Variants in FRY observed in about 807,000 individuals in gnomAD.
FRY encodes the protein protein furry homolog.
A neutral mutation model predicts 348.4 loss-of-function variants in FRY; 128 were observed. That is an observed-to-expected ratio of 0.37 (90% CI 0.32 to 0.43). The LOEUF is 0.43. Among genes scored for constraint, FRY ranks in the 20% least tolerant of loss-of-function variants. The pLI is 1.00. For synonymous variants in FRY, 1,370 were observed against 1,374.7 expected (o/e 1.00, Z 0.08); for missense variants, 2,736 against 3,695.2 (o/e 0.74, Z 6.73).
intron 38 of FRY, 87 bp downstream of exon 38, chr13:32,225,123 C>A: frequency 1.2e-6 from 1 of 808,574 alleles, no homozygotes; most frequent in Non-Finnish European, 2.2e-6. Context: ...ACATTGACAT[C>A]CTGTTTGACT....
At chr13:32,050,908 A>G (rs1873286305) in intron 1 of FRY, among the ~76,000 whole-genome samples, 1 of 152,234 alleles carries the variant, frequency 6.6e-6, no homozygotes. Flanking sequence ...TAAATATTGC[A>G]AAATAAAGAG....
chr13:32,282,251 C>T (rs998804445), intron 58 of FRY, among the ~76,000 whole-genome samples: 1 of 152,208 alleles, frequency 6.6e-6, no homozygotes, highest in African/African-American at 2.4e-5. Context: ...CCTGTGTAAT[C>T]AGGTTCTCTG....
At chr13:32,257,111 A>C (rs539323687) in intron 51 of FRY, among the ~76,000 whole-genome samples, 1 of 152,306 alleles carries the variant, frequency 6.6e-6, no homozygotes, top group East Asian at 1.9e-4. Flanking sequence ...TATTTCAAAA[A>C]TTTTTAAAAA....
chr13:32,160,767 C>T (rs1566103913), intron 16 of FRY, among the ~76,000 whole-genome samples: 1 of 62,418 alleles, frequency 1.6e-5, no homozygotes, highest in East Asian at 4.1e-4. Context: ...GGCACCATTC[C>T]ATATATATAT....
At chr13:32,283,148 AAAAAC>A (rs1049399683) in intron 58 of FRY, among the ~76,000 whole-genome samples, 2 of 152,030 alleles carry the variant, frequency 1.3e-5, no homozygotes, top group African/African-American at 4.8e-5. Flanking sequence ...CTCAAAAAAA[AAAAAC>A]AAAACAACAA....
At chr13:32,058,153 T>C (rs1873745173) in intron 1 of FRY, among the ~76,000 whole-genome samples, 1 of 152,208 alleles carries the variant, frequency 6.6e-6, no homozygotes, top group Non-Finnish European at 1.5e-5. Flanking sequence ...TTTTATTTAT[T>C]AAATTTAGTT....
intron 2 of FRY, among the ~76,000 whole-genome samples, chr13:32,085,647 T>A (rs1446322526): frequency 6.6e-6 from 1 of 152,154 alleles, no homozygotes; most frequent in African/African-American, 2.4e-5. Flanking sequence ...TAGGAGATGC[T>A]CATTTGTCCT....
chr13:32,201,923 G>T lies in FRY; in HGVS notation c.3747-18G>T, dbSNP rs9567419. 78,288 of 1,374,742 alleles carry T rather than the reference G, an allele frequency of 0.057. 3,979 individuals are homozygous for T. The highest frequency in any genetic ancestry group is 0.27 in the East Asian group (11,792 of 43,796). The allele number at this position is 1,374,742 out of a possible 1,614,324, so 85.2% of individuals were successfully genotyped here. ...TTATAAACCATGCTTTTTTTGTTTT[G>T]TTCTGTTGTGTTTTTAGGAACTATC... is the stretch of plus-strand genomic sequence containing the variant. On this transcript the variant is annotated intron_variant, in intron 29 of 60. Transcript: ENST00000542859.
chr13:32,261,467 G>A (rs761836458), intron 51 of FRY, 149 bp from the exon 52 acceptor site: 2 of 793,056 alleles, frequency 2.5e-6, no homozygotes, highest in East Asian at 2.4e-5. Context: ...TTTCACATTG[G>A]GTAAACAAAA....
intron 9 of FRY, 39 bp downstream of exon 9, chr13:32,135,035 CA>C: frequency 6.5e-7 from 1 of 1,546,350 alleles, no homozygotes. Flanking sequence ...AATTGTATCA[CA>C]AAATCAACAA....
chr13:32,114,187 A>T (rs757530744), intron 3 of FRY, among the ~76,000 whole-genome samples: 1 of 152,210 alleles, frequency 6.6e-6, no homozygotes, highest in Admixed American at 6.5e-5. Flanking sequence ...TATCCCACAC[A>T]AGTATTTTTT....
At chr13:32,268,862 C>T (rs938204271) in intron 55 of FRY, among the ~76,000 whole-genome samples, 1 of 151,990 alleles carries the variant, frequency 6.6e-6, no homozygotes. Flanking sequence ...ATAAAAAATG[C>T]TTTTCTTTCA....
intron 3 of FRY, among the ~76,000 whole-genome samples, chr13:32,116,318 T>C (rs1027742330): frequency 1.3e-5 from 2 of 152,192 alleles, no homozygotes; most frequent in African/African-American, 4.8e-5. Flanking sequence ...AGTTTGTTGA[T>C]TAGCTAGTTA....
chr13:32,183,110 TC>T (rs1593707739), intron 24 of FRY, 76 bp downstream of exon 24: 1 of 833,568 alleles, frequency 1.2e-6, no homozygotes, highest in East Asian at 2.4e-5. Context: ...CCTAGTGATT[TC>T]CCCTAAAGAA....
At chr13:32,265,006 C>T (rs1717036887) in intron 53 of FRY, among the ~76,000 whole-genome samples, 1 of 152,138 alleles carries the variant, frequency 6.6e-6, no homozygotes, top group South Asian at 2.1e-4. Flanking sequence ...TGGGTTTGGA[C>T]AATGGAAGGA....
At position 32,045,472 on chromosome 13, in the gene FRY, A is replaced by T. The variant is rs138424284; in HGVS notation, c.70+13607A>T. Among the ~76,000 whole-genome samples the T allele has an allele frequency of 5.6e-3, 853 of 152,168 alleles. 7 individuals carry two copies. The highest frequency in any genetic ancestry group is 0.019 in the African/African-American group (806 of 41,494). ...CCCATAGCTTTGAACGTTGATCTCC[A>T]CCTTTTTACTCTTGTAATTGTGCAT... is the stretch of plus-strand genomic sequence containing the variant. On this transcript the variant is annotated intron_variant, in intron 1 of 60. Coordinates refer to ENST00000542859, the MANE Select transcript of FRY (RefSeq NM_023037.3).
chr13:32,138,677 G>A (rs1336606574), intron 11 of FRY, among the ~76,000 whole-genome samples: 2 of 152,198 alleles, frequency 1.3e-5, no homozygotes, highest in South Asian at 4.1e-4. Context: ...GAATGCTATA[G>A]AGACTGAACC....
chr13:32,034,963 G>A (rs1872432764), intron 1 of FRY, among the ~76,000 whole-genome samples: 2 of 152,300 alleles, frequency 1.3e-5, no homozygotes, highest in South Asian at 2.1e-4. Context: ...CACTTGCATG[G>A]CTTCGGACAG....
At chr13:32,182,136 G>A (rs1593706563) in intron 23 of FRY, among the ~76,000 whole-genome samples, 3 of 152,132 alleles carry the variant, frequency 2.0e-5, no homozygotes, top group Non-Finnish European at 4.4e-5. Context: ...TTTCAAACTT[G>A]GGCATACTAC....
Sources: gnomAD v4.1 joint callset for allele counts (sites outside exome capture counted in the v4.1 genomes callset) on GRCh38, gnomAD v4.1.1 for gene constraint, MANE v1.5 for transcripts, NCBI Gene and HGNC (gene_info 2026-07-23, HGNC 2026-07-21) for gene names.